EHF: variants seen among roughly 807,000 people sequenced by gnomAD.
EHF encodes the protein ETS homologous factor.
In EHF, 14 loss-of-function variants were observed where a neutral mutation model predicts 45.1. The observed-to-expected ratio is 0.31, with a 90% CI of 0.21 to 0.49. The LOEUF (loss-of-function observed/expected upper bound fraction) is 0.49. Among genes scored for constraint, EHF ranks in the 20% least tolerant of loss-of-function variants. EHF has a pLI of 0.99. For synonymous variants in EHF, 136 were observed against 131.8 expected (o/e 1.03, Z -0.22); for missense variants, 282 against 371.4 (o/e 0.76, Z 1.98).
intron 1 of EHF, among the ~76,000 whole-genome samples, chr11:34,628,146 G>T (rs1290724123): frequency 6.6e-6 from 1 of 152,090 alleles, no homozygotes; most frequent in Non-Finnish European, 1.5e-5. Context: ...GCTGAGGCAG[G>T]AGAATCATTT....
chr11:34,627,594 T>C (rs1259730237), intron 1 of EHF, among the ~76,000 whole-genome samples: 2 of 152,172 alleles, frequency 1.3e-5, no homozygotes, highest in Non-Finnish European at 2.9e-5. Context: ...GTCTACCTCT[T>C]GGTAAATTAT....
intron 2 of EHF, among the ~76,000 whole-genome samples, chr11:34,643,094 G>GTGTA (rs1554956729): frequency 6.6e-6 from 1 of 151,782 alleles, no homozygotes; most frequent in Admixed American, 6.6e-5. Flanking sequence ...GTGTGTGTGT[G>GTGTA]TGTATGTGCG....
chr11:34,656,125 A>C (rs1289335757), intron 6 of EHF, among the ~76,000 whole-genome samples: 1 of 152,052 alleles, frequency 6.6e-6, no homozygotes, highest in South Asian at 2.1e-4. Context: ...TAGATCATTT[A>C]GTTTTCTTTC....
At chr11:34,629,701 A>T (rs1423403551) in intron 1 of EHF, among the ~76,000 whole-genome samples, 1 of 152,116 alleles carries the variant, frequency 6.6e-6, no homozygotes, top group Non-Finnish European at 1.5e-5. Flanking sequence ...TGCCTGAGGG[A>T]TGGAATTCAG....
chr11:34,627,147 G>A (rs1271555543), intron 1 of EHF, among the ~76,000 whole-genome samples: 1 of 146,718 alleles, frequency 6.8e-6, no homozygotes, highest in African/African-American at 2.5e-5. Context: ...TGTGTGTGGC[G>A]ATCAACATTG....
intron 6 of EHF, among the ~76,000 whole-genome samples, chr11:34,654,954 A>G (rs1288060958): frequency 6.6e-6 from 1 of 152,178 alleles, no homozygotes; most frequent in Admixed American, 6.5e-5. Flanking sequence ...CTGCTGGGTA[A>G]ATGCCACTCT....
chr11:34,643,685 C>T (rs1252660049), intron 2 of EHF, among the ~76,000 whole-genome samples: 1 of 152,190 alleles, frequency 6.6e-6, no homozygotes, highest in Admixed American at 6.5e-5. Flanking sequence ...GTGAGCTTCC[C>T]TTACTCGGTC....
intron 1 of EHF, among the ~76,000 whole-genome samples, chr11:34,639,313 C>T (rs1371388499): frequency 1.3e-5 from 2 of 152,176 alleles, no homozygotes; most frequent in Non-Finnish European, 2.9e-5. Flanking sequence ...AATTCCCCTA[C>T]TTTCTAATTA....
chr11:34,640,759 A>G (rs1282585094), intron 1 of EHF, among the ~76,000 whole-genome samples: 1 of 152,158 alleles, frequency 6.6e-6, no homozygotes, highest in East Asian at 1.9e-4. Flanking sequence ...GGAACTTATG[A>G]TCAGTATAGT....
At chr11:34,655,427 G>T (rs1416014199) in intron 6 of EHF, among the ~76,000 whole-genome samples, 1 of 152,160 alleles carries the variant, frequency 6.6e-6, no homozygotes, top group Non-Finnish European at 1.5e-5. Context: ...GGCAAGAAAG[G>T]CTTGTGTGAA....
chr11:34,640,213 G>A (rs1480311831), intron 1 of EHF, among the ~76,000 whole-genome samples: 1 of 152,132 alleles, frequency 6.6e-6, no homozygotes, highest in Non-Finnish European at 1.5e-5. Context: ...ATCTGAGCCT[G>A]CATCTCTCCA....
At chr11:34,646,188 A>G (rs1023742904) in intron 2 of EHF, among the ~76,000 whole-genome samples, 3 of 151,542 alleles carry the variant, frequency 2.0e-5, no homozygotes, top group African/African-American at 7.3e-5. Context: ...CTTTCATGAT[A>G]TTTTACTTTG....
chr11:34,628,208 A>T (rs922455293), intron 1 of EHF, among the ~76,000 whole-genome samples: 15 of 152,194 alleles, frequency 9.9e-5, no homozygotes, highest in African/African-American at 3.6e-4. Flanking sequence ...ACTGCACTCT[A>T]GCCTGAGCAA....
intron 1 of EHF, among the ~76,000 whole-genome samples, chr11:34,636,653 A>G (rs116862456): frequency 6.6e-6 from 1 of 152,232 alleles, no homozygotes; most frequent in Non-Finnish European, 1.5e-5. Context: ...CAAGGTCAAC[A>G]TAGCCCACCA....
chr11:34,645,088 C>T (rs1284141427), intron 2 of EHF, among the ~76,000 whole-genome samples: 1 of 152,168 alleles, frequency 6.6e-6, no homozygotes, highest in Non-Finnish European at 1.5e-5. Context: ...TTTCACTCAT[C>T]TTTCCTGAAA....
rs1425662302 is a variant in EHF, at chr11:34,659,116, C to T, written c.*185C>T. The T allele has an allele frequency of 5.6e-6, 3 of 533,192 alleles. No individual in the cohort carries two copies. Among genetic ancestry groups the T allele is most frequent in the African/African-American group, 3.9e-5 (2 of 51,680 alleles). 33.0% of individuals were successfully genotyped at this position (533,192 alleles called of 1,614,324 possible). A position where few individuals can be genotyped will look rare whatever the true frequency, so the allele number is the denominator to read the frequency against. Reference sequence around the variant, plus strand: ...GATTAAAAAAATTATTTTGTTACTTCGAAGTATGTCCTATATGGGGAAAAA... The same window carrying T: ...GATTAAAAAAATTATTTTGTTACTTTGAAGTATGTCCTATATGGGGAAAAA... On this transcript the variant is annotated 3_prime_UTR_variant, in exon 9 of 9. Coordinates refer to ENST00000257831, the MANE Select transcript of EHF (RefSeq NM_012153.6).
chr11:34,633,252 T>G (rs1348218416), intron 1 of EHF, among the ~76,000 whole-genome samples: 1 of 152,216 alleles, frequency 6.6e-6, no homozygotes, highest in Non-Finnish European at 1.5e-5. Context: ...TGGCAAATAA[T>G]ATAATAGTAG....
At chr11:34,622,597 T>C (rs1852058174) in intron 1 of EHF, among the ~76,000 whole-genome samples, 1 of 152,214 alleles carries the variant, frequency 6.6e-6, no homozygotes, top group South Asian at 2.1e-4. Context: ...TAAGAGATTT[T>C]AAGGATGACT....
intron 3 of EHF, among the ~76,000 whole-genome samples, chr11:34,648,693 G>A (rs909729921): frequency 6.6e-6 from 1 of 152,128 alleles, no homozygotes; most frequent in Non-Finnish European, 1.5e-5. Flanking sequence ...GACCCAGAAA[G>A]GTAAAGTGCA....
Sources: allele counts gnomAD v4.1 joint callset (sites outside exome capture counted in the v4.1 genomes callset), GRCh38; gene constraint gnomAD v4.1.1; transcripts MANE v1.5; gene names NCBI Gene and HGNC (gene_info 2026-07-23, HGNC 2026-07-21).